Variants in LCORL observed in about 807,000 individuals in gnomAD.
LCORL encodes ligand dependent nuclear receptor corepressor like.
In LCORL, 41 loss-of-function variants were observed where a neutral mutation model predicts 141.8. The ratio of observed to expected loss-of-function variants is 0.29; its 90% confidence interval spans 0.23 to 0.38. The LOEUF (loss-of-function observed/expected upper bound fraction) is 0.38, where lower values mean the gene tolerates loss of function less well. Ranked by LOEUF, LCORL falls within the 10% of genes least tolerant of loss-of-function variation. The probability of loss-of-function intolerance (pLI) is 1.00; values close to 1 mark genes in which losing one functional copy is unlikely to be tolerated. For synonymous variants in LCORL, 618 were observed against 694.1 expected, an observed-to-expected ratio of 0.89 and a Z score of 1.72; for missense variants, 1,759 against 2,035.0, an observed-to-expected ratio of 0.86 and a Z score of 2.61.
At chr4:18,011,423 C>A (rs1723761357) in intron 1 of LCORL, among the ~76,000 whole-genome samples, 1 of 150,382 alleles carries the variant, frequency 6.6e-6, no homozygotes, top group African/African-American at 2.4e-5. Context: ...TGCTTATTAC[C>A]CATTTTAAAA....
intron 4 of LCORL, among the ~76,000 whole-genome samples, chr4:17,940,842 T>C (rs1050667743): frequency 3.3e-5 from 5 of 152,110 alleles, no homozygotes; most frequent in African/African-American, 1.2e-4. Flanking sequence ...ATCTCTGAGC[T>C]AGAAAGTAAA....
At chr4:17,843,799 A>C (rs1228949257) in exon 8 of LCORL, 1 of 157,542 alleles carries the variant, frequency 6.3e-6, no homozygotes, top group African/African-American at 2.4e-5. Flanking sequence ...GATGGGCAGA[A>C]TCAACAAAGA....
chr4:17,963,519 TAA>T (rs1340996028), intron 2 of LCORL, among the ~76,000 whole-genome samples: 2 of 151,878 alleles, frequency 1.3e-5, no homozygotes, highest in Non-Finnish European at 2.9e-5. Context: ...AGAAAACAAG[TAA>T]AAGTCTATAG....
At chr4:17,865,543 T>C (rs1725540068) in intron 7 of LCORL, among the ~76,000 whole-genome samples, 1 of 152,044 alleles carries the variant, frequency 6.6e-6, no homozygotes, top group East Asian at 1.9e-4. Flanking sequence ...CAAGAGAAAT[T>C]AGAAAATATT....
chr4:17,963,083 T>C, intron 2 of LCORL, 34 bp from the exon 3 acceptor site: 1 of 1,207,026 alleles, frequency 8.3e-7, no homozygotes. Context: ...TTAAATATAC[T>C]AACTTTATTA....
At chr4:17,843,123 C>A in exon 8 of LCORL, 2 of 550,884 alleles carry the variant, frequency 3.6e-6, no homozygotes, top group Non-Finnish European at 6.3e-6. Context: ...ATTCACTTTG[C>A]TAGATAGCCA....
chr4:17,950,594 C>G (rs906331865), intron 4 of LCORL, among the ~76,000 whole-genome samples: 1 of 151,984 alleles, frequency 6.6e-6, no homozygotes, highest in Non-Finnish European at 1.5e-5. Context: ...ACGGAAGAAT[C>G]CAGTACATAT....
intron 7 of LCORL, among the ~76,000 whole-genome samples, chr4:17,858,110 A>G (rs1451249651): frequency 2.0e-5 from 3 of 152,242 alleles, no homozygotes; most frequent in Non-Finnish European, 2.9e-5. Flanking sequence ...AATACACTTC[A>G]TAAGTTCAAG....
At chr4:17,906,714 G>A (rs1363413990) in intron 5 of LCORL, among the ~76,000 whole-genome samples, 1 of 143,176 alleles carries the variant, frequency 7.0e-6, no homozygotes, top group Non-Finnish European at 1.5e-5. Context: ...TTGAGACAGA[G>A]TCTTGCTCTG....
At chr4:17,880,468 AT>A (rs1356938567) in intron 6 of LCORL, 2 of 938,758 alleles carry the variant, frequency 2.1e-6, no homozygotes, top group East Asian at 2.3e-4. Flanking sequence ...CATACTGCCT[AT>A]TTTTAGTATG....
intron 1 of LCORL, among the ~76,000 whole-genome samples, chr4:18,010,087 A>C (rs1723461423): frequency 6.6e-6 from 1 of 152,230 alleles, no homozygotes; most frequent in Non-Finnish European, 1.5e-5. Context: ...AGAGCTAATT[A>C]AAACAACAAT....
intron 7 of LCORL, among the ~76,000 whole-genome samples, chr4:17,869,653 A>T (rs955834907): frequency 6.6e-6 from 1 of 152,066 alleles, no homozygotes; most frequent in Non-Finnish European, 1.5e-5. Context: ...ACAATGAGTA[A>T]TCTCATTGTA....
Position 18,021,517 on chromosome 4 carries a change from A to G in LCORL, c.154+81T>C. 16 of 1,268,774 alleles carry G rather than the reference A, an allele frequency of 1.3e-5. No homozygotes were observed. Among genetic ancestry groups the G allele is most frequent in the Non-Finnish European group, 1.7e-5 (16 of 939,998 alleles). 78.6% of individuals were successfully genotyped at this position (1,268,774 alleles called of 1,614,324 possible). On this transcript the variant is annotated intron_variant, in intron 1 of 7. Transcript: ENST00000635767. This position sits in a 1 kb window ranked among gnomAD's most constrained non-coding sequence, Gnocchi z 5.5. The stretch of plus-strand genomic sequence containing the variant: ...ACTAACCCGAACGGGAGATTCAACT[A>G]AACCCCTCAGCCACAAACTCCTCGG...
chr4:17,958,996 C>G (rs1713243293), intron 4 of LCORL, among the ~76,000 whole-genome samples: 1 of 152,012 alleles, frequency 6.6e-6, no homozygotes, highest in Non-Finnish European at 1.5e-5. Context: ...CTAGAACATC[C>G]TCCTCTGCAT....
In LCORL at chr4:17,884,750, C is replaced by T. The variant is rs776619397; in HGVS notation, c.776+1318G>A. The stretch of plus-strand genomic sequence containing the variant: ...ATAGTCCTCTCTGTTTCTGTGTAGT[C>T]TCCTGGATGGATGGAATGAAACGAT... On this transcript the variant is annotated intron_variant, in intron 6 of 7. Transcript: ENST00000635767. This position sits in a 1 kb window ranked among gnomAD's most constrained non-coding sequence, Gnocchi z 4.4. 12 of 1,440,152 alleles carry T rather than the reference C, an allele frequency of 8.3e-6. No individual in the cohort carries two copies. In the Admixed American group the frequency reaches 1.1e-4, roughly 14 times the overall value. The allele number at this position is 1,440,152 out of a possible 1,614,324, so 89.2% of individuals were successfully genotyped here. A position where few individuals can be genotyped will look rare whatever the true frequency, so the allele number is the denominator to read the frequency against.
intron 4 of LCORL, among the ~76,000 whole-genome samples, chr4:17,950,433 G>A (rs6843330): frequency 0.24 from 36,135 of 151,968 alleles, 5,478 homozygotes; most frequent in African/African-American, 0.43. Flanking sequence ...GACATATCAC[G>A]CTTCAAGCAT....
chr4:18,010,300 C>T (rs1484287155), intron 1 of LCORL, among the ~76,000 whole-genome samples: 4 of 151,950 alleles, frequency 2.6e-5, no homozygotes, highest in African/African-American at 9.7e-5. Context: ...AGAAAAAACC[C>T]TACTAATTTT....
rs1712889877 is a variant in LCORL, at chr4:17,957,420, A to G, written c.430+4483T>C. Among the ~76,000 whole-genome samples, 4 of 152,042 alleles carry G rather than the reference A, an allele frequency of 2.6e-5. No homozygotes were observed. In the South Asian group the frequency reaches 8.3e-4, roughly 31 times the overall value. ...GAGCAATAAAGAAAGAGGAACACTC[A>G]GAGAAGAGACTGAGGGATTCTGTTG... is the stretch of plus-strand genomic sequence containing the variant. On this transcript the variant is annotated intron_variant, in intron 4 of 7. Coordinates refer to ENST00000635767, the Ensembl canonical transcript of LCORL.
At chr4:17,996,965 C>T (rs1433089995) in intron 1 of LCORL, among the ~76,000 whole-genome samples, 1 of 152,108 alleles carries the variant, frequency 6.6e-6, no homozygotes. Context: ...CCTGCCTTTT[C>T]TCCAACCATT....
Sources: allele counts gnomAD v4.1 joint callset (sites outside exome capture counted in the v4.1 genomes callset), GRCh38; gene constraint gnomAD v4.1.1; non-coding constraint Gnocchi (gnomAD v3.1); transcripts MANE v1.5; gene names NCBI Gene and HGNC (gene_info 2026-07-23, HGNC 2026-07-21).